The following COLGALT1 variants were observed in gnomAD, a reference collection of about 807,000 sequenced individuals.
COLGALT1 encodes the protein procollagen galactosyltransferase 1.
In COLGALT1, 43 loss-of-function variants were observed where a neutral mutation model predicts 60.8. The ratio of observed to expected loss-of-function variants is 0.71; its 90% CI spans 0.55 to 0.91. The LOEUF (loss-of-function observed/expected upper bound fraction) is 0.91. Among genes scored for constraint, COLGALT1 ranks in the 40% least tolerant of loss-of-function variants. The pLI is 0.00. For missense variants in COLGALT1, 845 were observed against 880.0 expected (o/e 0.96, Z 0.50); for synonymous variants, 369 against 374.2 (o/e 0.99, Z 0.16).
Position 17,572,490 on chromosome 19 carries a change from G to A in COLGALT1, c.837G>A (p.Gln279=). 6.2e-7 allele frequency: 1 copy of A among 1,614,122 alleles called. No individual in the cohort carries two copies. Among genetic ancestry groups the A allele is most frequent in the South Asian group, 1.1e-5 (1 of 91,084 alleles). ...CTTCCCTGCCCACTGCAGAGGTTCA[G>A]ATGTATGTGTGCAACAAGGAGGAGT... ...FAFSCKQAEV[Q]MYVCNKEEYG... is the part of the protein sequence containing the mutation. The change falls in exon 6 of 12, where the codon CAG becomes CAA. Residue 279 remains glutamine (Q), a synonymous_variant. Coordinates refer to ENST00000252599, the MANE Select transcript of COLGALT1 (RefSeq NM_024656.4).
At position 17,572,569 on chromosome 19, in the gene COLGALT1, G is replaced by A. The variant is rs768557609; in HGVS notation, c.916G>A (p.Glu306Lys). The A allele has an allele frequency of 3.1e-6, 5 of 1,614,026 alleles. No homozygotes were observed. The highest frequency in any genetic ancestry group is 2.7e-5 in the African/African-American group (2 of 74,942). The stretch of plus-strand genomic sequence containing the variant: ...CCACAGCACCCTCCAGGATGAGGCC[G>A]AGAGCTTCATGCATGTGCAGCTGGA... ...RAHSTLQDEA[E>K]SFMHVQLEVM... Residue 306 changes from glutamate to lysine, a missense_variant, in exon 6 of 12, where the codon GAG becomes AAG. By Grantham distance (56) the Glu-to-Lys change is moderately conservative (BLOSUM62 1). Coordinates refer to ENST00000252599, the MANE Select transcript of COLGALT1 (RefSeq NM_024656.4).
intron 1 of COLGALT1, among the ~76,000 whole-genome samples, chr19:17,558,528 A>G (rs888115961): frequency 2.7e-5 from 4 of 150,898 alleles, no homozygotes; most frequent in Admixed American, 6.6e-5. Flanking sequence ...AAATGCAAAA[A>G]TTAGCTGGGC....
At chr19:17,569,804 G>A (rs945283745) in intron 5 of COLGALT1, among the ~76,000 whole-genome samples, 1 of 151,544 alleles carries the variant, frequency 6.6e-6, no homozygotes, top group African/African-American at 2.4e-5. Context: ...TATTTAAAGA[G>A]ACAGCACAGC....
chr19:17,569,443 G>GT (rs368282718), intron 5 of COLGALT1, among the ~76,000 whole-genome samples: 20,501 of 143,242 alleles, frequency 0.14, 1,490 homozygotes, highest in African/African-American at 0.21. Flanking sequence ...ATTTTCTTTT[G>GT]TTTTTTTTTT....
intron 6 of COLGALT1, among the ~76,000 whole-genome samples, chr19:17,574,373 AG>A (rs2076329254): frequency 6.7e-6 from 1 of 149,340 alleles, no homozygotes. Context: ...TTTGTCACCC[AG>A]GCTGGAATGC....
Position 17,581,640 on chromosome 19 carries a change from A to G in COLGALT1, c.*196A>G. 1.4e-6 allele frequency: 1 copy of G among 715,056 alleles called. No homozygotes were observed. Among genetic ancestry groups the G allele is most frequent in the Non-Finnish European group, 2.3e-6 (1 of 443,390 alleles). 44.3% of individuals were successfully genotyped at this position (715,056 alleles called of 1,614,324 possible). ...GGAGTGCCTACTGCATGCCAGCAACAGGGCTTGGCCCTGGGGAATTGGGAG... is the reference window on the plus strand; with the variant it reads ...GGAGTGCCTACTGCATGCCAGCAACGGGGCTTGGCCCTGGGGAATTGGGAG... On this transcript the variant is annotated 3_prime_UTR_variant, in exon 12 of 12. Transcript: ENST00000252599.
intron 3 of COLGALT1, among the ~76,000 whole-genome samples, chr19:17,566,441 G>A (rs1316884883): frequency 6.6e-6 from 1 of 152,042 alleles, no homozygotes; most frequent in Non-Finnish European, 1.5e-5. Context: ...TCCTGGTAGA[G>A]GGGGAACGTC....
intron 3 of COLGALT1, among the ~76,000 whole-genome samples, chr19:17,561,209 A>G (rs1164167946): frequency 6.6e-6 from 1 of 151,868 alleles, no homozygotes; most frequent in Non-Finnish European, 1.5e-5. Flanking sequence ...TCCATCTCAT[A>G]AATAAATACA....
Position 17,581,357 on chromosome 19 carries a change from G to A in COLGALT1, c.1782G>A (p.Met594Ile), listed in dbSNP as rs1194266433. The part of the protein sequence containing the change: ...TDWDRAKSQK[M>I]REQQALSREA... The stretch of plus-strand genomic sequence containing the variant: ...GGGACCGCGCCAAGTCCCAGAAGAT[G>A]CGGGAGCAGCAGGCACTGAGCCGTG... Residue 594 changes from methionine (M) to isoleucine (I), a missense_variant, in exon 12 of 12, where the codon ATG (methionine) becomes ATA (isoleucine). Met to Ile is a conservative substitution (Grantham distance 10). Coordinates refer to ENST00000252599, the MANE Select transcript of COLGALT1 (RefSeq NM_024656.4). 8 of 1,613,256 alleles carry A rather than the reference G, an allele frequency of 5.0e-6. No individual in the cohort carries two copies. The highest frequency in any genetic ancestry group is 2.2e-5 in the South Asian group (2 of 91,078).
chr19:17,563,655 AT>A (rs1279867112), intron 3 of COLGALT1, among the ~76,000 whole-genome samples: 2 of 151,430 alleles, frequency 1.3e-5, no homozygotes, highest in Admixed American at 6.6e-5. Flanking sequence ...GGCCCGACTA[AT>A]TTTTTTTGTA....
Position 17,577,227 on chromosome 19 carries a change from A to T in COLGALT1, c.982A>T (p.Ile328Phe). 2 of 1,574,512 alleles carry T rather than the reference A, an allele frequency of 1.3e-6. No individual in the cohort carries two copies. Among genetic ancestry groups the T allele is most frequent in the Non-Finnish European group, 1.7e-6 (2 of 1,163,774 alleles). Residue 328 changes from isoleucine (I) to phenylalanine (F), a missense_variant, in exon 7 of 12, where the codon ATC becomes TTC. Physicochemically the swap from Ile to Phe is conservative, Grantham distance 21 (BLOSUM62 0). Coordinates refer to ENST00000252599, the MANE Select transcript of COLGALT1 (RefSeq NM_024656.4). ...KHPPAEPSRF[I>F]SAPTKTPDKM... ...CCCGCCCGCAGAGCCCTCCCGCTTCATCTCGGCTCCCACCAAGACACCGGA... is the reference window on the plus strand; with the variant it reads ...CCCGCCCGCAGAGCCCTCCCGCTTCTTCTCGGCTCCCACCAAGACACCGGA...
Position 17,580,700 on chromosome 19 carries a change from T to C in COLGALT1, c.1396T>C (p.Tyr466His). The C allele has an allele frequency of 6.2e-7, 1 of 1,613,738 alleles. No homozygotes were observed. The highest frequency in any genetic ancestry group is 8.5e-7 in the Non-Finnish European group (1 of 1,179,948). The change falls in exon 11 of 12, where the codon TAT (tyrosine) becomes CAT (histidine). Residue 466 changes from tyrosine to histidine, a missense_variant and splice_region_variant. Tyr to His is a moderately conservative substitution (Grantham distance 83, BLOSUM62 2). Coordinates refer to ENST00000252599, the MANE Select transcript of COLGALT1 (RefSeq NM_024656.4). ...GACAGGCCCGATCTTGCACCCCAGC[T>C]ATGTGGGCCGGAAGCGGATGCAGGT... ...EREGLDWDLI[Y>H]VGRKRMQVEH...
intron 1 of COLGALT1, among the ~76,000 whole-genome samples, chr19:17,557,138 C>T (rs982043479): frequency 1.3e-5 from 2 of 152,112 alleles, no homozygotes; most frequent in African/African-American, 4.8e-5. Context: ...TCCCAAATGT[C>T]GCTTTTCCTT....
chr19:17,558,840 G>C (rs1194843410), intron 1 of COLGALT1, among the ~76,000 whole-genome samples: 1 of 151,936 alleles, frequency 6.6e-6, no homozygotes, highest in Admixed American at 6.6e-5. Flanking sequence ...CCACCCCCAT[G>C]TTACAGATGA....
chr19:17,555,694 T>A lies in COLGALT1; in HGVS notation c.-20T>A. Reference sequence around the variant, plus strand: ...AGAGTCCTCCCGCAGAAAAACGACTTAAAGGAGACGCGTGGCGCGATGGCG... The same window carrying A: ...AGAGTCCTCCCGCAGAAAAACGACTAAAAGGAGACGCGTGGCGCGATGGCG... On this transcript the variant is annotated 5_prime_UTR_variant, in exon 1 of 12. Transcript: ENST00000252599. The A allele has an allele frequency of 8.5e-7, 1 of 1,178,240 alleles. No individual in the cohort carries two copies. Among genetic ancestry groups the A allele is most frequent in the Non-Finnish European group, 1.0e-6 (1 of 954,556 alleles). The allele number at this position is 1,178,240 out of a possible 1,614,324, so 73.0% of individuals were successfully genotyped here. A position where few individuals can be genotyped will look rare whatever the true frequency, so the allele number is the denominator to read the frequency against.
At chr19:17,573,249 C>T (rs1048692775) in intron 6 of COLGALT1, among the ~76,000 whole-genome samples, 2 of 151,816 alleles carry the variant, frequency 1.3e-5, no homozygotes, top group South Asian at 2.1e-4. Flanking sequence ...AAATTTTGGC[C>T]GGGTGCGGTG....
In COLGALT1 at chr19:17,577,257, A is replaced by G; in HGVS notation, c.1012A>G (p.Met338Val). The change falls in exon 7 of 12, where the codon ATG becomes GTG. Residue 338 changes from methionine (M) to valine (V), a missense_variant. Physicochemically the swap from Met to Val is conservative, Grantham distance 21 (BLOSUM62 1). Coordinates refer to ENST00000252599, the MANE Select transcript of COLGALT1 (RefSeq NM_024656.4). ...ISAPTKTPDK[M>V]GFDEVFMINL... ...GGCTCCCACCAAGACACCGGACAAG[A>G]TGGGCTTCGACGAGGTGAGCTGGGC... The G allele has an allele frequency of 1.2e-6, 2 of 1,612,822 alleles. No individual in the cohort carries two copies. The highest frequency in any genetic ancestry group is 1.7e-6 in the Non-Finnish European group (2 of 1,179,574).
chr19:17,558,006 C>A (rs900099371), intron 1 of COLGALT1, among the ~76,000 whole-genome samples: 5 of 151,920 alleles, frequency 3.3e-5, no homozygotes, highest in Non-Finnish European at 7.4e-5. Flanking sequence ...GGCACGATCT[C>A]GGCTCACTGC....
chr19:17,556,473 C>G lies in COLGALT1; in HGVS notation c.260+500C>G, dbSNP rs1471833394. The G allele has an allele frequency of 7.4e-6, 7 of 949,222 alleles. No homozygotes were observed. In the African/African-American group the frequency reaches 1.2e-4, roughly 17 times the overall value. The allele number at this position is 949,222 out of a possible 1,614,324, so 58.8% of individuals were successfully genotyped here. Reference sequence around the variant, plus strand: ...ACTCAGCCTGGCTCCAGGCCCCAGTCAAACCCCTGCCCTCAGACCGGCGTG... The same window carrying G: ...ACTCAGCCTGGCTCCAGGCCCCAGTGAAACCCCTGCCCTCAGACCGGCGTG... On this transcript the variant is annotated intron_variant, in intron 1 of 11. Transcript: ENST00000252599.
Sources: gnomAD v4.1 joint callset for allele counts (sites outside exome capture counted in the v4.1 genomes callset) on GRCh38, gnomAD v4.1.1 for gene constraint, MANE v1.5 for transcripts, NCBI Gene and HGNC (gene_info 2026-07-23, HGNC 2026-07-21) for gene names.